ANOS1: variants seen among roughly 807,000 people sequenced by gnomAD.
ANOS1 encodes the protein anosmin 1.
Under a neutral mutation model 59.0 loss-of-function variants are expected in ANOS1, and 6 were observed. That is an observed-to-expected ratio of 0.10 (90% CI 0.06 to 0.20). ANOS1 has a LOEUF of 0.20. Ranked by LOEUF, ANOS1 falls within the 10% of genes least tolerant of loss-of-function variation. ANOS1 has a pLI of 1.00. For missense variants in ANOS1, 433 were observed against 542.3 expected, an observed-to-expected ratio of 0.80 and a Z score of 2.00; for synonymous variants, 217 against 223.4, an observed-to-expected ratio of 0.97 and a Z score of 0.25.
chrX:8,719,815 C>CA (rs778703188), intron 1 of ANOS1, among the ~76,000 whole-genome samples: 2,491 of 101,636 alleles, frequency 0.025, 82 homozygotes, highest in African/African-American at 0.084. Context: ...ACTTGAAAAG[C>CA]AAAAAAAAAA....
At chrX:8,660,520 A>G (rs1010023697) in intron 2 of ANOS1, among the ~76,000 whole-genome samples, 6 of 111,490 alleles carry the variant, frequency 5.4e-5, no homozygotes, top group Admixed American at 9.5e-5. Flanking sequence ...CATATCTGTC[A>G]TCCCAGCCCT....
At chrX:8,569,272 C>A (rs1217966629) in intron 7 of ANOS1, among the ~76,000 whole-genome samples, 1 of 112,199 alleles carries the variant, frequency 8.9e-6, no homozygotes, top group Non-Finnish European at 1.9e-5. Context: ...CCAGCTCATG[C>A]AATAAGTGTG....
At chrX:8,690,553 C>T (rs1932591039) in intron 2 of ANOS1, among the ~76,000 whole-genome samples, 1 of 111,706 alleles carries the variant, frequency 9.0e-6, no homozygotes, top group South Asian at 3.7e-4. Context: ...TCTGAGTTTT[C>T]ATTTTGCTCC....
chrX:8,707,495 G>A (rs377752796), intron 1 of ANOS1, among the ~76,000 whole-genome samples: 30 of 110,856 alleles, frequency 2.7e-4, no homozygotes, highest in African/African-American at 7.8e-4. Context: ...TCAAATATAC[G>A]TTATTTAATA....
chrX:8,668,817 G>T (rs1932208132), intron 2 of ANOS1, among the ~76,000 whole-genome samples: 1 of 110,600 alleles, frequency 9.0e-6, no homozygotes, highest in Admixed American at 9.7e-5. Flanking sequence ...CAACCTGTGG[G>T]AGCCATTAAC....
intron 9 of ANOS1, among the ~76,000 whole-genome samples, chrX:8,542,652 A>G (rs1189054438): frequency 9.1e-6 from 1 of 109,977 alleles, no homozygotes; most frequent in Admixed American, 9.7e-5. Flanking sequence ...ATGTATTTTC[A>G]TGACTTTTCA....
chrX:8,546,819 T>A (rs1401928301), intron 9 of ANOS1, among the ~76,000 whole-genome samples: 1 of 112,107 alleles, frequency 8.9e-6, no homozygotes, highest in African/African-American at 3.2e-5. Context: ...AGCTAGAAGA[T>A]AAACACTCCA....
At chrX:8,558,665 C>A (rs1236350647) in intron 8 of ANOS1, among the ~76,000 whole-genome samples, 1 of 110,986 alleles carries the variant, frequency 9.0e-6, no homozygotes. Context: ...TCGTGGAAAA[C>A]CTATACGTAA....
chrX:8,562,510 C>T (rs1329662074), intron 8 of ANOS1, among the ~76,000 whole-genome samples: 2 of 111,636 alleles, frequency 1.8e-5, no homozygotes, highest in African/African-American at 6.5e-5. Context: ...GTTATGATGT[C>T]TGATTTACAC....
intron 6 of ANOS1, among the ~76,000 whole-genome samples, chrX:8,574,830 C>T (rs1241873687): frequency 9.0e-6 from 1 of 111,447 alleles, no homozygotes; most frequent in East Asian, 2.8e-4. Flanking sequence ...AGTAAACTCC[C>T]CTTTATATAT....
chrX:8,731,898 C>T lies in ANOS1; in HGVS notation c.139G>A (p.Ala47Thr). ...ESLSAGSVQR[A>T]RCASRCLSLQ... ...CTCAGGCACCTGGAGGCGCAGCGAG[C>T]GCGCTGGACGCTCCCGGCAGACAGC... Residue 47 changes from alanine to threonine, a missense_variant, in exon 1 of 14, where the codon GCT becomes ACT. Physicochemically the swap from Ala to Thr is moderately conservative, Grantham distance 58 (BLOSUM62 0). Coordinates refer to ENST00000262648, the MANE Select transcript of ANOS1 (RefSeq NM_000216.4). 8.4e-7 allele frequency: 1 copy of T among 1,185,992 alleles called. No individual in the cohort carries two copies. The highest frequency in any genetic ancestry group is 1.8e-5 in the African/African-American group (1 of 55,520).
intron 1 of ANOS1, among the ~76,000 whole-genome samples, chrX:8,728,998 T>C (rs1348393333): frequency 5.4e-5 from 6 of 111,874 alleles, no homozygotes; most frequent in Admixed American, 2.8e-4. Flanking sequence ...TGGAGGACAG[T>C]GGGGACAACT....
intron 2 of ANOS1, among the ~76,000 whole-genome samples, chrX:8,644,558 G>C (rs776306488): frequency 3.6e-5 from 4 of 111,445 alleles, no homozygotes; most frequent in African/African-American, 1.3e-4. Flanking sequence ...CATCTCTTGT[G>C]GGGAAAATTT....
At chrX:8,547,966 T>C (rs769289803) in intron 9 of ANOS1, among the ~76,000 whole-genome samples, 2 of 111,997 alleles carry the variant, frequency 1.8e-5, no homozygotes, top group South Asian at 7.4e-4. Context: ...CCGCCCGCCT[T>C]GGCCTCCCAA....
intron 2 of ANOS1, among the ~76,000 whole-genome samples, chrX:8,681,249 T>C (rs1440434140): frequency 8.9e-6 from 1 of 112,144 alleles, no homozygotes; most frequent in Non-Finnish European, 1.9e-5. Flanking sequence ...TTTGCCTTGT[T>C]TTCCTGTTAA....
intron 8 of ANOS1, among the ~76,000 whole-genome samples, chrX:8,554,881 A>G (rs983216179): frequency 1.8e-5 from 2 of 110,669 alleles, no homozygotes; most frequent in African/African-American, 6.6e-5. Context: ...AAGTGCACCT[A>G]ATAGACATCT....
At chrX:8,692,167 T>C (rs1435589623) in intron 2 of ANOS1, among the ~76,000 whole-genome samples, 4 of 111,774 alleles carry the variant, frequency 3.6e-5, no homozygotes, top group African/African-American at 6.5e-5. Context: ...TCTTTCATTT[T>C]CAATGGTTGG....
At chrX:8,614,882 A>AT (rs758480609) in intron 3 of ANOS1, among the ~76,000 whole-genome samples, 1 of 99,017 alleles carries the variant, frequency 1.0e-5, no homozygotes, top group Non-Finnish European at 2.0e-5. Flanking sequence ...ATATAAAAAA[A>AT]TTTTTATATT....
At chrX:8,566,082 T>A (rs754426664) in intron 8 of ANOS1, 18 of 752,499 alleles carry the variant, frequency 2.4e-5, no homozygotes, top group Non-Finnish European at 2.8e-5. Context: ...GCTGCGTTTG[T>A]GTGGAATGAT....
Sources: allele counts gnomAD v4.1 joint callset (sites outside exome capture counted in the v4.1 genomes callset), GRCh38; gene constraint gnomAD v4.1.1; transcripts MANE v1.5; gene names NCBI Gene and HGNC (gene_info 2026-07-23, HGNC 2026-07-21).